The following PCDHGB5 variants were observed in gnomAD, a reference collection of about 807,000 sequenced individuals.
PCDHGB5 encodes the protein protocadherin gamma subfamily B, 5.
In PCDHGB5, 48 loss-of-function variants were observed where a neutral mutation model predicts 62.9. That is an observed-to-expected ratio of 0.76 (90% CI 0.61 to 0.97). The LOEUF (loss-of-function observed/expected upper bound fraction) is 0.97. Ranked by LOEUF, PCDHGB5 falls within the 50% of genes least tolerant of loss-of-function variation. The pLI, the probability that PCDHGB5 is intolerant of heterozygous loss-of-function variation, is 0.00. For synonymous variants in PCDHGB5, 474 were observed against 511.2 expected, an observed-to-expected ratio of 0.93 and a Z score of 0.98; for missense variants, 1,118 against 1,198.6, an observed-to-expected ratio of 0.93 and a Z score of 0.99.
intron 1 of PCDHGB5, chr5:141,427,595 C>A: frequency 1.5e-6 from 1 of 681,870 alleles, no homozygotes; most frequent in Non-Finnish European, 2.7e-6. Flanking sequence ...CAAGCCTCAC[C>A]CTACGCATTG....
rs1262043820 is a variant in PCDHGB5, at chr5:141,415,755, T to TTG, written c.2397+15232_2397+15233insGT. Reference sequence around the variant, plus strand: ...GTTTATTAAGGTTTTTTTTTTTTTTTTTTTTTTTTTTTTTTTTACTTTCTG... The same window carrying TTG: ...GTTTATTAAGGTTTTTTTTTTTTTTTTGTTTTTTTTTTTTTTTTTACTTTCTG... On this transcript the variant is annotated intron_variant, in intron 1 of 3. Transcript: ENST00000617380. 56 of 1,387,630 alleles carry TTG rather than the reference T, an allele frequency of 4.0e-5. No individual in the cohort carries two copies. The African/African-American group carries it at 7.5e-4, about 19-fold the overall frequency. The allele number at this position is 1,387,630 out of a possible 1,614,324, so 86.0% of individuals were successfully genotyped here. A position where few individuals can be genotyped will look rare whatever the true frequency, so the allele number is the denominator to read the frequency against.
intron 1 of PCDHGB5, chr5:141,441,037 A>G (rs1318122240): frequency 6.6e-6 from 1 of 152,194 alleles, no homozygotes; most frequent in Admixed American, 6.5e-5. Context: ...GAAAACTTTA[A>G]GTACATTGGA....
chr5:141,415,277 T>A lies in PCDHGB5; in HGVS notation c.2397+14753T>A, dbSNP rs533281226. 42 of 1,614,216 alleles carry A rather than the reference T, an allele frequency of 2.6e-5. No individual in the cohort carries two copies. In the South Asian group the frequency reaches 4.4e-4, roughly 17 times the overall value. On this transcript the variant is annotated intron_variant, in intron 1 of 3. Coordinates refer to ENST00000617380, the MANE Select transcript of PCDHGB5 (RefSeq NM_018925.3). Reference sequence around the variant, plus strand: ...CTCACTCTGTACCTGGTGGTAGCGGTGGCCGCGGTCTCCTGCGTCTTCCTG... The same window carrying A: ...CTCACTCTGTACCTGGTGGTAGCGGAGGCCGCGGTCTCCTGCGTCTTCCTG...
At chr5:141,420,006 G>T in intron 1 of PCDHGB5, 1 of 1,614,052 alleles carries the variant, frequency 6.2e-7, no homozygotes, top group Non-Finnish European at 8.5e-7. Flanking sequence ...CTACGCCTGC[G>T]ACAGTCTTTC....
intron 1 of PCDHGB5, chr5:141,421,613 A>T (rs2096587756): frequency 6.2e-7 from 1 of 1,613,720 alleles, no homozygotes; most frequent in Admixed American, 1.7e-5. Context: ...GATATTAATG[A>T]TAACGCCCCC....
At chr5:141,441,916 C>T (rs1340767725) in intron 1 of PCDHGB5, 9 of 352,248 alleles carry the variant, frequency 2.6e-5, no homozygotes, top group Non-Finnish European at 4.9e-5. Context: ...AGATGTGAGA[C>T]ACAATGCGTG....
chr5:141,470,444 A>G (rs970120314), intron 1 of PCDHGB5, among the ~76,000 whole-genome samples: 8 of 152,222 alleles, frequency 5.3e-5, no homozygotes, highest in African/African-American at 1.9e-4. Context: ...ATAATTTAAT[A>G]GCATCTTGAA....
At chr5:141,429,045 G>C (rs919761577) in intron 1 of PCDHGB5, 15 of 151,954 alleles carry the variant, frequency 9.9e-5, no homozygotes, top group African/African-American at 2.9e-4. Context: ...TAGTACAGAC[G>C]GGGTTTCACC....
At chr5:141,407,625 T>C (rs1354209573) in intron 1 of PCDHGB5, among the ~76,000 whole-genome samples, 2 of 152,220 alleles carry the variant, frequency 1.3e-5, no homozygotes, top group African/African-American at 4.8e-5. Context: ...ACATTCTATA[T>C]CTCGTATTAC....
chr5:141,481,096 T>C (rs1162625304), intron 1 of PCDHGB5, among the ~76,000 whole-genome samples: 2 of 152,150 alleles, frequency 1.3e-5, no homozygotes, highest in East Asian at 1.9e-4. Flanking sequence ...AAAGCAGTAC[T>C]CTGGAACCTA....
At chr5:141,478,584 T>G in intron 1 of PCDHGB5, 1 of 1,577,982 alleles carries the variant, frequency 6.3e-7, no homozygotes, top group Non-Finnish European at 8.6e-7. Flanking sequence ...CTGTTAGTGC[T>G]TTTTTATTCC....
chr5:141,457,417 CT>C lies in PCDHGB5; in HGVS notation c.2398-37385del, dbSNP rs894846890. On this transcript the variant is annotated intron_variant, in intron 1 of 3. Transcript: ENST00000617380. ...ATTCACATTTTCACATTACCCATCC[CT>C]TTTTCCCCCCCACCAAGCTGCAGAA... Among the ~76,000 whole-genome samples, 3 of 152,296 alleles carry C rather than the reference CT, an allele frequency of 2.0e-5. No individual in the cohort carries two copies. In the South Asian group the frequency reaches 6.2e-4, roughly 32 times the overall value.
At chr5:141,418,769 C>A (rs1488222030) in intron 1 of PCDHGB5, 2 of 1,613,828 alleles carry the variant, frequency 1.2e-6, no homozygotes, top group East Asian at 4.5e-5. Flanking sequence ...CATTCTAACT[C>A]AGCAGCCTTT....
rs1356739313 is a variant in PCDHGB5, at chr5:141,490,444, A to T, written c.2398-4363A>T. The T allele has an allele frequency of 6.2e-7, 1 of 1,614,194 alleles. No individual in the cohort carries two copies. Among genetic ancestry groups the T allele is most frequent in the Non-Finnish European group, 8.5e-7 (1 of 1,180,034 alleles). On this transcript the variant is annotated intron_variant, in intron 1 of 3. Transcript: ENST00000617380. The surrounding 1 kb of genome is among the most constrained non-coding windows in gnomAD (Gnocchi z 5.4). ...GCCATTTCAGATTAAGCCTTCTGAG[A>T]ACCACTACTCGCTGCTAACCAGCCA...
chr5:141,420,255 A>G lies in PCDHGB5; in HGVS notation c.2397+19731A>G, dbSNP rs917458059. The G allele has an allele frequency of 7.6e-6, 12 of 1,569,630 alleles. No homozygotes were observed. Among genetic ancestry groups the G allele is most frequent in the African/African-American group, 1.4e-5 (1 of 73,152 alleles). ...ATTTTAACTCCCAGCGTTGAAGCAG[A>G]TAAGAAGATTCTTAAACAGGTAAGT... is the stretch of plus-strand genomic sequence containing the variant. On this transcript the variant is annotated intron_variant, in intron 1 of 3. Coordinates refer to ENST00000617380, the MANE Select transcript of PCDHGB5 (RefSeq NM_018925.3).
chr5:141,468,282 G>A (rs1368214716), intron 1 of PCDHGB5, among the ~76,000 whole-genome samples: 1 of 140,012 alleles, frequency 7.1e-6, no homozygotes, highest in African/African-American at 2.7e-5. Context: ...CCGAGACCAC[G>A]CCATTGCACC....
At chr5:141,404,107 T>C in intron 1 of PCDHGB5, 1 of 1,613,552 alleles carries the variant, frequency 6.2e-7, no homozygotes, top group Non-Finnish European at 8.5e-7. Flanking sequence ...TTGTCTGTTC[T>C]ATCCAGGAGA....
intron 1 of PCDHGB5, among the ~76,000 whole-genome samples, chr5:141,437,415 G>A: frequency 6.6e-6 from 1 of 152,162 alleles, no homozygotes; most frequent in Non-Finnish European, 1.5e-5. Context: ...GAAGTATTAT[G>A]CTTTTTGAAG....
chr5:141,466,223 T>C (rs1313406487), intron 1 of PCDHGB5, among the ~76,000 whole-genome samples: 1 of 152,096 alleles, frequency 6.6e-6, no homozygotes, highest in African/African-American at 2.4e-5. Context: ...CAGGCTGGAG[T>C]GCAGTGGCAC....
Sources: allele counts gnomAD v4.1 joint callset (sites outside exome capture counted in the v4.1 genomes callset), GRCh38; gene constraint gnomAD v4.1.1; non-coding constraint Gnocchi (gnomAD v3.1); transcripts MANE v1.5; gene names NCBI Gene and HGNC (gene_info 2026-07-23, HGNC 2026-07-21).